ILRUN: variants seen among roughly 807,000 people sequenced by gnomAD.
The protein encoded by ILRUN is inflammation and lipid regulator with UBA-like and NBR1-like domains, also known as protein ILRUN.
In ILRUN, 3 loss-of-function variants were observed where a neutral mutation model predicts 33.8. The observed-to-expected ratio is 0.09, with a 90% CI of 0.04 to 0.23. The LOEUF is 0.23. ILRUN is among the 10% of genes least tolerant of loss of function. The pLI, the probability that ILRUN is intolerant of heterozygous loss-of-function variation, is 1.00. For synonymous variants in ILRUN, 124 were observed against 138.9 expected (o/e 0.89, Z 0.75); for missense variants, 210 against 375.1 (o/e 0.56, Z 3.64).
Position 34,683,502 on chromosome 6 carries a change from A to ATATATACATATATATGTATATATATATG in ILRUN, c.158+12943_158+12944insCATATATATATACATATATATGTATATA, listed in dbSNP as rs1562033263. The stretch of plus-strand genomic sequence containing the variant: ...TATATATATACATATATATATACAT[A>ATATATACATATATATGTATATATATATG]TATATATATATACATATATATATAT... On this transcript the variant is annotated intron_variant, in intron 1 of 4. Transcript: ENST00000374023. Among the ~76,000 whole-genome samples, 27 of 85,842 alleles carry ATATATACATATATATGTATATATATATG rather than the reference A, an allele frequency of 3.1e-4. 1 individual carries two copies. Among genetic ancestry groups the ATATATACATATATATGTATATATATATG allele is most frequent in the Middle Eastern group, 0.01 (2 of 192 alleles). The allele number at this position is 85,842 out of a possible 152,430, so 56.3% of individuals were successfully genotyped here. A position where few individuals can be genotyped will look rare whatever the true frequency, so the allele number is the denominator to read the frequency against.
Position 34,646,841 on chromosome 6 carries a change from C to A in ILRUN, c.314-43G>T. The stretch of plus-strand genomic sequence containing the variant: ...AAAAAAATGTTAGGCAATCAATGGT[C>A]CTATGCTGGGTGCAGTTTATTATGA... On this transcript the variant is annotated intron_variant, in intron 2 of 4. Coordinates refer to ENST00000374023, the MANE Select transcript of ILRUN (RefSeq NM_024294.4). The surrounding 1 kb of genome is among the most constrained non-coding windows in gnomAD (Gnocchi z 4.9). The A allele has an allele frequency of 6.3e-7, 1 of 1,576,408 alleles. No individual in the cohort carries two copies. The highest frequency in any genetic ancestry group is 1.1e-5 in the South Asian group (1 of 90,294).
chr6:34,695,202 C>A (rs1236231130), intron 1 of ILRUN, among the ~76,000 whole-genome samples: 2 of 152,272 alleles, frequency 1.3e-5, no homozygotes, highest in Admixed American at 1.3e-4. Flanking sequence ...TTGCTTGAGG[C>A]ATTCAGTGGA....
intron 3 of ILRUN, among the ~76,000 whole-genome samples, chr6:34,633,671 TAAGACCCTGTCTCTACAAA>T (rs1361421577): frequency 6.7e-6 from 1 of 150,348 alleles, no homozygotes; most frequent in Non-Finnish European, 1.5e-5. Flanking sequence ...GGAAACAAAA[TAAGACCCTGTCTCTACAAA>T]AAATAAAAAG....
intron 3 of ILRUN, chr6:34,616,735 G>A: frequency 2.7e-6 from 2 of 742,006 alleles, no homozygotes; most frequent in Non-Finnish European, 4.7e-6. Context: ...TGGCAAGGAT[G>A]GCAAGAAAAA....
At chr6:34,628,681 A>T (rs968880923) in intron 3 of ILRUN, among the ~76,000 whole-genome samples, 1 of 151,976 alleles carries the variant, frequency 6.6e-6, no homozygotes, top group African/African-American at 2.4e-5. Context: ...TTTGTTGAGG[A>T]TATGTGCATC....
chr6:34,626,513 C>A (rs1284718419), intron 3 of ILRUN, among the ~76,000 whole-genome samples: 1 of 152,132 alleles, frequency 6.6e-6, no homozygotes, highest in Non-Finnish European at 1.5e-5. Flanking sequence ...AGGTTCACAG[C>A]AAAACCAAGA....
intron 1 of ILRUN, among the ~76,000 whole-genome samples, chr6:34,665,504 T>A (rs1762975904): frequency 6.6e-6 from 1 of 152,090 alleles, no homozygotes; most frequent in Non-Finnish European, 1.5e-5. Flanking sequence ...CACACAGGTC[T>A]CAAACGCTGG....
chr6:34,599,052 C>CT (rs1761457297), intron 4 of ILRUN, among the ~76,000 whole-genome samples: 1 of 152,214 alleles, frequency 6.6e-6, no homozygotes, highest in Non-Finnish European at 1.5e-5. Context: ...CGACCTGACA[C>CT]TAAGTGCATA....
At chr6:34,615,595 TAAACAA>T (rs1013071808) in intron 3 of ILRUN, among the ~76,000 whole-genome samples, 1 of 152,010 alleles carries the variant, frequency 6.6e-6, no homozygotes, top group Non-Finnish European at 1.5e-5. Flanking sequence ...GACTCCATCT[TAAACAA>T]AAACAAAAAC....
chr6:34,677,941 T>C (rs1330251438), intron 1 of ILRUN, among the ~76,000 whole-genome samples: 1 of 110,904 alleles, frequency 9.0e-6, no homozygotes, highest in African/African-American at 4.1e-5. Flanking sequence ...AGTGAGATCC[T>C]GCCTCCAAAA....
intron 1 of ILRUN, among the ~76,000 whole-genome samples, chr6:34,665,292 CAAA>C (rs60761039): frequency 5.2e-5 from 4 of 76,444 alleles, no homozygotes; most frequent in Non-Finnish European, 8.2e-5. Context: ...CCCTTTTCTA[CAAA>C]AAAAAAAAAA....
At chr6:34,612,090 A>G (rs113901547) in intron 3 of ILRUN, among the ~76,000 whole-genome samples, 1,655 of 152,298 alleles carry the variant, frequency 0.011, 33 homozygotes, top group African/African-American at 0.036. Context: ...CCCTGATTCT[A>G]AAATGTCTGG....
rs897364285 is a variant in ILRUN at position 34,587,871 on chromosome 6, C to T, written c.*2694G>A. ...AGTCTGAACCCCTCTGTCTCCCCAA[C>T]TGGGTTCAGACCCTATCACCTAACC... On this transcript the variant is annotated 3_prime_UTR_variant, in exon 5 of 5. Transcript: ENST00000374023. 2.0e-4 allele frequency: 78 copies of T among 392,566 alleles called. No individual in the cohort carries two copies. The highest frequency in any genetic ancestry group is 3.2e-4 in the Non-Finnish European group (71 of 224,252). The allele number at this position is 392,566 out of a possible 1,614,324, so 24.3% of individuals were successfully genotyped here. A position where few individuals can be genotyped will look rare whatever the true frequency, so the allele number is the denominator to read the frequency against.
chr6:34,665,549 G>C (rs745971845), intron 1 of ILRUN, among the ~76,000 whole-genome samples: 1 of 152,064 alleles, frequency 6.6e-6, no homozygotes, highest in Admixed American at 6.5e-5. Context: ...GCCTCCCAAA[G>C]TGTTGGGATT....
intron 1 of ILRUN, among the ~76,000 whole-genome samples, chr6:34,663,414 C>G (rs939715084): frequency 6.6e-6 from 1 of 152,028 alleles, no homozygotes; most frequent in Non-Finnish European, 1.5e-5. Flanking sequence ...CAGAATGAGA[C>G]CCTGTCTCAA....
At chr6:34,601,883 G>A (rs1761516774) in intron 4 of ILRUN, among the ~76,000 whole-genome samples, 1 of 151,804 alleles carries the variant, frequency 6.6e-6, no homozygotes, top group Non-Finnish European at 1.5e-5. Context: ...TGTCAAGAGA[G>A]GAAAGGGGTG....
chr6:34,646,495 G>T lies in ILRUN; in HGVS notation c.511+106C>A. ...CTGCATGAGGTGACTGTTAAAAAGAGGCCATGCCCTGTTATGCAATTTGAC... is the reference window on the plus strand; with the variant it reads ...CTGCATGAGGTGACTGTTAAAAAGATGCCATGCCCTGTTATGCAATTTGAC... On this transcript the variant is annotated intron_variant, in intron 3 of 4. Transcript: ENST00000374023. The surrounding 1 kb of genome is among the most constrained non-coding windows in gnomAD (Gnocchi z 4.9). The T allele has an allele frequency of 9.9e-7, 1 of 1,011,168 alleles. No homozygotes were observed. Among genetic ancestry groups the T allele is most frequent in the Non-Finnish European group, 1.5e-6 (1 of 680,930 alleles). The allele number at this position is 1,011,168 out of a possible 1,614,324, so 62.6% of individuals were successfully genotyped here.
chr6:34,636,143 G>A (rs1312016070), intron 3 of ILRUN, among the ~76,000 whole-genome samples: 1 of 152,158 alleles, frequency 6.6e-6, no homozygotes, highest in Non-Finnish European at 1.5e-5. Context: ...AGCTACTTGT[G>A]AGACTGAGGT....
Position 34,686,118 on chromosome 6 carries a change from T to C in ILRUN, c.158+10328A>G, listed in dbSNP as rs187008467. 6.6e-4 allele frequency among the ~76,000 whole-genome samples: 101 copies of C among 152,234 alleles called. 1 individual carries two copies. The highest frequency in any genetic ancestry group is 1.1e-3 in the Non-Finnish European group (74 of 68,018). ...GAAACATTTGTGAATCATAGGACAT[T>C]GTCAAGAAAGTGAAAAGACAGCCTA... On this transcript the variant is annotated intron_variant, in intron 1 of 4. Transcript: ENST00000374023.
Sources: allele counts gnomAD v4.1 joint callset (sites outside exome capture counted in the v4.1 genomes callset), GRCh38; gene constraint gnomAD v4.1.1; non-coding constraint Gnocchi (gnomAD v3.1); transcripts MANE v1.5; gene names NCBI Gene and HGNC (gene_info 2026-07-23, HGNC 2026-07-21).